The following TBCD variants were observed in gnomAD, a reference collection of about 807,000 sequenced individuals.
TBCD encodes the protein tubulin folding cofactor D.
Under a neutral mutation model 169.3 loss-of-function variants are expected in TBCD, and 105 were observed. That is an observed-to-expected ratio of 0.62 (90% confidence interval 0.53 to 0.73). The LOEUF is 0.73. TBCD is among the 30% of genes least tolerant of loss of function. The probability of loss-of-function intolerance (pLI) is 0.00; values close to 1 mark genes in which losing one functional copy is unlikely to be tolerated. For missense variants in TBCD, 1,444 were observed against 1,600.1 expected (o/e 0.90, Z 1.66); for synonymous variants, 700 against 643.9 (o/e 1.09, Z -1.32).
chr17:82,798,088 T>C (rs1454897938), intron 8 of TBCD, among the ~76,000 whole-genome samples: 1 of 149,292 alleles, frequency 6.7e-6, no homozygotes, highest in Non-Finnish European at 1.5e-5. Flanking sequence ...GCAATTCTTC[T>C]GCCTCAGCCT....
chr17:82,819,986 T>TC (rs1404637970), intron 13 of TBCD, among the ~76,000 whole-genome samples: 18 of 151,928 alleles, frequency 1.2e-4, no homozygotes, highest in African/African-American at 4.4e-4. Flanking sequence ...TTTTTTTTTT[T>TC]TTCTTTTTTT....
intron 13 of TBCD, among the ~76,000 whole-genome samples, chr17:82,842,415 C>T (rs973166633): frequency 2.0e-5 from 3 of 152,144 alleles, no homozygotes; most frequent in South Asian, 2.1e-4. Flanking sequence ...CACTCCTGGT[C>T]GAGGTGTTGT....
intron 15 of TBCD, among the ~76,000 whole-genome samples, chr17:82,887,177 G>A (rs573693224): frequency 6.0e-4 from 42 of 70,012 alleles, no homozygotes; most frequent in Admixed American, 2.3e-3. Context: ...GTGCGCGCGC[G>A]CGCACGTGCG....
intron 7 of TBCD, chr17:82,795,353 G>A (rs1043825799): frequency 3.7e-5 from 6 of 162,340 alleles, no homozygotes; most frequent in Admixed American, 2.6e-4. Context: ...GAGAGAGACC[G>A]GGGAACACGG....
intron 13 of TBCD, among the ~76,000 whole-genome samples, chr17:82,844,236 T>TGTGTGTG (rs59037028): frequency 6.6e-6 from 1 of 151,034 alleles, no homozygotes; most frequent in Non-Finnish European, 1.5e-5. Context: ...TGTGTGTGTG[T>TGTGTGTG]TTAAAGACCT....
At chr17:82,872,919 C>T (rs7215175) in intron 14 of TBCD, among the ~76,000 whole-genome samples, 2,621 of 87,286 alleles carry the variant, frequency 0.03, 85 homozygotes, top group African/African-American at 0.12. Context: ...CCCGGCACCT[C>T]GTGGCCGACG....
chr17:82,924,697 G>A (rs142856201), intron 26 of TBCD, among the ~76,000 whole-genome samples: 5 of 152,270 alleles, frequency 3.3e-5, no homozygotes, highest in African/African-American at 9.6e-5. Flanking sequence ...AGGCTGCAGC[G>A]AGCTAAGCTT....
intron 33 of TBCD, among the ~76,000 whole-genome samples, chr17:82,931,348 C>A (rs1427970467): frequency 1.3e-5 from 2 of 152,264 alleles, no homozygotes; most frequent in Non-Finnish European, 2.9e-5. Flanking sequence ...GATAGGTGTC[C>A]ACCCTTAAAA....
intron 36 of TBCD, among the ~76,000 whole-genome samples, chr17:82,938,417 A>T (rs1428088906): frequency 1.3e-5 from 2 of 152,200 alleles, no homozygotes; most frequent in Non-Finnish European, 2.9e-5. Context: ...AGAAGGACCC[A>T]GGCTGAAGTG....
At chr17:82,907,240 G>A (rs2060313802) in intron 20 of TBCD, among the ~76,000 whole-genome samples, 1 of 152,240 alleles carries the variant, frequency 6.6e-6, no homozygotes, top group Non-Finnish European at 1.5e-5. Flanking sequence ...TCTCGCCAGG[G>A]ACCTTCCCTT....
chr17:82,897,966 G>T (rs1406482965), intron 17 of TBCD, among the ~76,000 whole-genome samples: 10 of 151,902 alleles, frequency 6.6e-5, no homozygotes. Context: ...ACACGTCACG[G>T]CTCTGTTCTC....
At chr17:82,834,786 A>G (rs751255876) in intron 13 of TBCD, among the ~76,000 whole-genome samples, 1 of 152,132 alleles carries the variant, frequency 6.6e-6, no homozygotes, top group African/African-American at 2.4e-5. Context: ...TAAAACCTAG[A>G]TGATCGGTTG....
In TBCD at chr17:82,921,240, G is replaced by A. The variant is rs1407991740; in HGVS notation, c.2102-261G>A. Reference sequence around the variant, plus strand: ...ATTTAGGGGTAACAAAAGAATAAAAGTTTCCCAAAATGTGATGTATAAAAA... The same window carrying A: ...ATTTAGGGGTAACAAAAGAATAAAAATTTCCCAAAATGTGATGTATAAAAA... On this transcript the variant is annotated intron_variant, in intron 24 of 38. Coordinates refer to ENST00000355528, the MANE Select transcript of TBCD (RefSeq NM_005993.5). The A allele has an allele frequency of 5.5e-6, 3 of 540,814 alleles. No homozygotes were observed. In the East Asian group the frequency reaches 8.8e-5, roughly 16 times the overall value. The allele number at this position is 540,814 out of a possible 1,614,324, so 33.5% of individuals were successfully genotyped here.
intron 34 of TBCD, among the ~76,000 whole-genome samples, chr17:82,933,583 C>T (rs554595873): frequency 6.6e-6 from 1 of 150,866 alleles, no homozygotes; most frequent in East Asian, 2.0e-4. Context: ...GTTGGGTCAT[C>T]CGGAGACAGC....
chr17:82,868,076 C>T (rs1172959095), intron 13 of TBCD, among the ~76,000 whole-genome samples: 1 of 152,112 alleles, frequency 6.6e-6, no homozygotes, highest in Admixed American at 6.5e-5. Context: ...GGTGGTCTGA[C>T]CATGGTGGGA....
At chr17:82,768,328 T>G in intron 4 of TBCD, 92 bp from the exon 5 acceptor site, 1 of 1,476,460 alleles carries the variant, frequency 6.8e-7, no homozygotes, top group Non-Finnish European at 9.3e-7. Context: ...AGGCATTGGG[T>G]GGGCATGGAG....
At chr17:82,938,196 A>G in intron 36 of TBCD, 60 bp downstream of exon 36, 1 of 1,540,864 alleles carries the variant, frequency 6.5e-7, no homozygotes. Context: ...CTCAGTGACA[A>G]GAAGGCCTTC....
intron 6 of TBCD, among the ~76,000 whole-genome samples, chr17:82,777,246 C>T (rs1271088257): frequency 6.6e-6 from 1 of 152,164 alleles, no homozygotes; most frequent in East Asian, 1.9e-4. Context: ...TACAGTAGAA[C>T]CCCGCCCTTC....
chr17:82,927,366 A>G (rs753495494), intron 29 of TBCD, 43 bp downstream of exon 29: 6 of 1,589,708 alleles, frequency 3.8e-6, no homozygotes, highest in African/African-American at 1.3e-5. Flanking sequence ...TGAGAAGCCC[A>G]TCTATTCCGT....
Sources: gnomAD v4.1 joint callset for allele counts (sites outside exome capture counted in the v4.1 genomes callset) on GRCh38, gnomAD v4.1.1 for gene constraint, MANE v1.5 for transcripts, NCBI Gene and HGNC (gene_info 2026-07-23, HGNC 2026-07-21) for gene names.